Variants in OR51G2 observed in about 807,000 individuals in gnomAD.
OR51G2 encodes olfactory receptor 51G2.
OR51G2 carries 13 observed loss-of-function variants against 11.8 expected under a neutral mutation model. The ratio of observed to expected loss-of-function variants is 1.10; its 90% CI spans 0.72 to 1.76. The LOEUF (loss-of-function observed/expected upper bound fraction) is 1.76, where lower values mean the gene tolerates loss of function less well. Ranked by LOEUF, OR51G2 falls within the 40% of genes most tolerant of loss-of-function variation. The probability of loss-of-function intolerance (pLI) is 0.00; values close to 1 mark genes in which losing one functional copy is unlikely to be tolerated. For synonymous variants in OR51G2, 178 were observed against 151.9 expected, an observed-to-expected ratio of 1.17 and a Z score of -1.26; for missense variants, 474 against 394.4, an observed-to-expected ratio of 1.20 and a Z score of -1.71.
intron 1 of OR51G2, among the ~76,000 whole-genome samples, chr11:4,917,068 A>G (rs1851105085): frequency 2.6e-5 from 4 of 152,242 alleles, no homozygotes. Context: ...ATATGAGCTC[A>G]AAGAGGGTAG....
At chr11:4,918,555 C>T (rs1055046667) in intron 1 of OR51G2, among the ~76,000 whole-genome samples, 1 of 152,082 alleles carries the variant, frequency 6.6e-6, no homozygotes, top group Non-Finnish European at 1.5e-5. Context: ...GCCAGTTCGC[C>T]AGAGAGTTCT....
rs192786747 is a variant in OR51G2 at position 4,914,953 on chromosome 11, A to G, written c.711T>C (p.Ala237=). 3.3e-5 allele frequency: 53 copies of G among 1,614,132 alleles called. 1 individual carries two copies. In the South Asian group the frequency reaches 4.3e-4, roughly 13 times the overall value. The change falls in exon 2 of 2, where the codon GCT becomes GCC. Residue 237 remains alanine (A), a synonymous_variant. Coordinates refer to ENST00000641926, the MANE Select transcript of OR51G2 (RefSeq NM_001005238.2). Reference sequence around the variant, plus strand: ...AGGTGTTAAGGGCCTTGAATCTCTCAGCCCTGGAGGCGATGGACAGCACGG... The same window carrying G: ...AGGTGTTAAGGGCCTTGAATCTCTCGGCCCTGGAGGCGATGGACAGCACGG... ...LRTVLSIASR[A]ERFKALNTCV... is the part of the protein sequence containing the mutation.
rs1851015609 is a variant in OR51G2, at chr11:4,913,036, A to T, written c.*1683T>A. 1 of 152,154 alleles carries T rather than the reference A, an allele frequency of 6.6e-6. No homozygotes were observed. The highest frequency in any genetic ancestry group is 6.5e-5 in the Admixed American group (1 of 15,274). The allele number at this position is 152,154 out of a possible 1,614,324, so 9.4% of individuals were successfully genotyped here. The stretch of plus-strand genomic sequence containing the variant: ...AAAATGTTGTAGTCCTCTTAAATTT[A>T]TTTGCTTTCCACGTGCATAAGCAAA... On this transcript the variant is annotated 3_prime_UTR_variant, in exon 2 of 2. Coordinates refer to ENST00000641926, the MANE Select transcript of OR51G2 (RefSeq NM_001005238.2).
chr11:4,917,996 T>A (rs776656515), intron 1 of OR51G2, among the ~76,000 whole-genome samples: 1 of 150,794 alleles, frequency 6.6e-6, no homozygotes, highest in African/African-American at 2.4e-5. Context: ...AATAGGATGG[T>A]GAAGAAGAAA....
chr11:4,915,068 G>A lies in OR51G2; in HGVS notation c.596C>T (p.Ala199Val), dbSNP rs1245253115. The change falls in exon 2 of 2, where the codon GCC becomes GTC. Residue 199 changes from alanine to valine, a missense_variant. Coordinates refer to ENST00000641926, the MANE Select transcript of OR51G2 (RefSeq NM_001005238.2). ...VMKLACADMKANSIYGMFVIV... is the reference protein window; with the variant it reads ...VMKLACADMKVNSIYGMFVIV... ...GACAAACATGCCGTAGATGCTGTTG[G>A]CCTTCATGTCGGCACAGGCCAATTT... 5 of 1,613,970 alleles carry A rather than the reference G, an allele frequency of 3.1e-6. No homozygotes were observed. Among genetic ancestry groups the A allele is most frequent in the East Asian group, 4.5e-5 (2 of 44,854 alleles).
chr11:4,913,179 T>A lies in OR51G2; in HGVS notation c.*1540A>T, dbSNP rs1851018199. On this transcript the variant is annotated 3_prime_UTR_variant, in exon 2 of 2. Transcript: ENST00000641926. ...CTTTTAAACTGGGTTCTGATCCTTTTGATTATTTTGGGGTTGATGATATCA... is the reference window on the plus strand; with the variant it reads ...CTTTTAAACTGGGTTCTGATCCTTTAGATTATTTTGGGGTTGATGATATCA... The A allele has an allele frequency of 6.6e-6, 1 of 152,216 alleles. No homozygotes were observed. The highest frequency in any genetic ancestry group is 1.5e-5 in the Non-Finnish European group (1 of 68,046). The allele number at this position is 152,216 out of a possible 1,614,324, so 9.4% of individuals were successfully genotyped here. A position where few individuals can be genotyped will look rare whatever the true frequency, so the allele number is the denominator to read the frequency against.
rs2133574797 is a variant in OR51G2 at position 4,915,478 on chromosome 11, T to C, written c.186A>G (p.Glu62=). ...GCATGGACAGGAAGAGATACATAGGTTCATGAAGTGAGCGCTCTGTTTTAA... is the reference window on the plus strand; with the variant it reads ...GCATGGACAGGAAGAGATACATAGGCTCATGAAGTGAGCGCTCTGTTTTAA... ...FIIKTERSLH[E]PMYLFLSMLA... Residue 62 remains glutamate, a synonymous_variant, in exon 2 of 2, where the codon GAA becomes GAG. Transcript: ENST00000641926. 2 of 1,613,970 alleles carry C rather than the reference T, an allele frequency of 1.2e-6. No homozygotes were observed. Among genetic ancestry groups the C allele is most frequent in the Non-Finnish European group, 1.7e-6 (2 of 1,179,996 alleles).
rs746296376 is a variant in OR51G2, at chr11:4,915,170, G to T, written c.494C>A (p.Pro165His). Residue 165 changes from proline to histidine, a missense_variant, in exon 2 of 2, where the codon CCT becomes CAT. Transcript: ENST00000641926. ...GRSVALIFPL[P>H]FMLKRFPYCG... ...ATAGGGGAATCTTTTGAGCATAAAAGGTAATGGAAAAATGAGTGCTACACT... is the reference window on the plus strand; with the variant it reads ...ATAGGGGAATCTTTTGAGCATAAAATGTAATGGAAAAATGAGTGCTACACT... The T allele has an allele frequency of 9.9e-6, 16 of 1,613,956 alleles. No homozygotes were observed. Among genetic ancestry groups the T allele is most frequent in the Admixed American group, 6.7e-5 (4 of 59,998 alleles).
At chr11:4,917,735 TA>T (rs1851119734) in intron 1 of OR51G2, among the ~76,000 whole-genome samples, 1 of 152,148 alleles carries the variant, frequency 6.6e-6, no homozygotes, top group Non-Finnish European at 1.5e-5. Context: ...GTTAACAATA[TA>T]CTTTTTATGT....
At position 4,914,602 on chromosome 11, in the gene OR51G2, C is replaced by T. The variant is rs1851044744; in HGVS notation, c.*117G>A. ...GTTCTGTAAGGACTGTAACTCATCC[C>T]TGTACATGTTTGTTGAGTAAGTAAA... On this transcript the variant is annotated 3_prime_UTR_variant, in exon 2 of 2. Coordinates refer to ENST00000641926, the MANE Select transcript of OR51G2 (RefSeq NM_001005238.2). 7.0e-6 allele frequency: 5 copies of T among 718,794 alleles called. No individual in the cohort carries two copies. Among genetic ancestry groups the T allele is most frequent in the Non-Finnish European group, 1.2e-5 (5 of 430,826 alleles). The allele number at this position is 718,794 out of a possible 1,614,324, so 44.5% of individuals were successfully genotyped here.
chr11:4,914,440 A>G lies in OR51G2; in HGVS notation c.*279T>C, dbSNP rs1029520171. On this transcript the variant is annotated 3_prime_UTR_variant, in exon 2 of 2. Transcript: ENST00000641926. ...TTCAAGGGGAGAAGAAGTAGACCCT[A>G]TCTCTTTATGAGGAGTAGCAAGTTC... 2 of 350,446 alleles carry G rather than the reference A, an allele frequency of 5.7e-6. No individual in the cohort carries two copies. The highest frequency in any genetic ancestry group is 2.1e-5 in the African/African-American group (1 of 48,278). 21.7% of individuals were successfully genotyped at this position (350,446 alleles called of 1,614,324 possible). A position where few individuals can be genotyped will look rare whatever the true frequency, so the allele number is the denominator to read the frequency against.
In OR51G2 at chr11:4,915,208, G is replaced by C; in HGVS notation, c.456C>G (p.Val152=). Residue 152 remains valine, a synonymous_variant, in exon 2 of 2, where the codon GTC becomes GTG. Transcript: ENST00000641926. ...TGAGTGCTACACTACGACCCAGAGA[G>C]ACCAGGCCAATCCTGCCAATGACTG... is the stretch of plus-strand genomic sequence containing the variant. ...TNTVIGRIGL[V]SLGRSVALIF... 6.2e-7 allele frequency: 1 copy of C among 1,613,996 alleles called. No individual in the cohort carries two copies.
intron 1 of OR51G2, among the ~76,000 whole-genome samples, chr11:4,917,096 C>T (rs896585788): frequency 1.3e-5 from 2 of 152,174 alleles, no homozygotes; most frequent in Non-Finnish European, 2.9e-5. Context: ...TCTTTGTTTA[C>T]CTCTATTAAT....
In OR51G2 at chr11:4,912,594, T is replaced by C. The variant is rs563520267; in HGVS notation, c.*2125A>G. ...TGTGTACAACTAATCATAGGCCTTT[T>C]GCATGTTAATACACACAATTCACAT... On this transcript the variant is annotated 3_prime_UTR_variant, in exon 2 of 2. Transcript: ENST00000641926. 6 of 152,314 alleles carry C rather than the reference T, an allele frequency of 3.9e-5. No homozygotes were observed. Among genetic ancestry groups the C allele is most frequent in the East Asian group, 1.9e-4 (1 of 5,188 alleles). The allele number at this position is 152,314 out of a possible 1,614,324, so 9.4% of individuals were successfully genotyped here. A position where few individuals can be genotyped will look rare whatever the true frequency, so the allele number is the denominator to read the frequency against.
At chr11:4,918,165 C>A (rs1474698033) in intron 1 of OR51G2, among the ~76,000 whole-genome samples, 1 of 151,856 alleles carries the variant, frequency 6.6e-6, no homozygotes, top group Non-Finnish European at 1.5e-5. Flanking sequence ...TTATAATATC[C>A]CTAGAATCAC....
chr11:4,915,761 A>AG (rs1003165697), intron 1 of OR51G2, 22 bp from the exon 2 acceptor site: 1 of 695,134 alleles, frequency 1.4e-6, no homozygotes, highest in African/African-American at 1.8e-5. Context: ...TAAAGAAAAA[A>AG]AATAGAATCA....
chr11:4,916,908 A>T (rs979507538), intron 1 of OR51G2, among the ~76,000 whole-genome samples: 2 of 152,190 alleles, frequency 1.3e-5, no homozygotes, highest in African/African-American at 2.4e-5. Flanking sequence ...CCCACTGAAC[A>T]CAGGGCAGTG....
chr11:4,918,585 A>C (rs1851133802), intron 1 of OR51G2, among the ~76,000 whole-genome samples: 1 of 152,126 alleles, frequency 6.6e-6, no homozygotes, highest in Middle Eastern at 3.2e-3. Flanking sequence ...AATTATTCTG[A>C]GTTCCTCTCA....
chr11:4,915,587 T>A lies in OR51G2; in HGVS notation c.77A>T (p.Glu26Val), dbSNP rs1245975248. Reference protein sequence around the residue: ...TFLLSGIPGLERMHIWISIPL... With the variant: ...TFLLSGIPGLVRMHIWISIPL... Reference sequence around the variant, plus strand: ...GATGGAGATCCAGATGTGCATGCGCTCCAGCCCAGGGATGCCACTCAGCAG... The same window carrying A: ...GATGGAGATCCAGATGTGCATGCGCACCAGCCCAGGGATGCCACTCAGCAG... The change falls in exon 2 of 2, where the codon GAG (glutamate) becomes GTG (valine). Residue 26 changes from glutamate (E) to valine (V), a missense_variant. Transcript: ENST00000641926. 1.2e-6 allele frequency: 2 copies of A among 1,614,036 alleles called. No individual in the cohort carries two copies. The highest frequency in any genetic ancestry group is 1.7e-6 in the Non-Finnish European group (2 of 1,179,998).
Sources: allele counts gnomAD v4.1 joint callset (sites outside exome capture counted in the v4.1 genomes callset), GRCh38; gene constraint gnomAD v4.1.1; transcripts MANE v1.5; gene names NCBI Gene and HGNC (gene_info 2026-07-23, HGNC 2026-07-21).